The following HS3ST5 variants were observed in gnomAD, a reference collection of about 807,000 sequenced individuals.
HS3ST5 encodes the protein heparan sulfate-glucosamine 3-sulfotransferase 5.
Under a neutral mutation model 25.4 loss-of-function variants are expected in HS3ST5, and 10 were observed. The observed-to-expected ratio is 0.39, with a 90% CI of 0.24 to 0.67. The LOEUF is 0.67. HS3ST5 is among the 30% of genes least tolerant of loss of function. The pLI, the probability that HS3ST5 is intolerant of heterozygous loss-of-function variation, is 0.44. For missense variants in HS3ST5, 324 were observed against 420.7 expected, an observed-to-expected ratio of 0.77 and a Z score of 2.01; for synonymous variants, 170 against 162.4, an observed-to-expected ratio of 1.05 and a Z score of -0.36.
chr6:114,070,320 CAGGTA>C (rs1269934241), intron 3 of HS3ST5, among the ~76,000 whole-genome samples: 1 of 149,492 alleles, frequency 6.7e-6, no homozygotes, highest in Non-Finnish European at 1.5e-5. Flanking sequence ...CATAAAAGGG[CAGGTA>C]AAAGGGACCA....
intron 3 of HS3ST5, among the ~76,000 whole-genome samples, chr6:114,166,626 A>T (rs1779221762): frequency 6.6e-6 from 1 of 152,152 alleles, no homozygotes; most frequent in Non-Finnish European, 1.5e-5. Flanking sequence ...TGAGGGAGGG[A>T]CCGTAAAAGG....
At chr6:114,209,038 T>C (rs553887581) in intron 2 of HS3ST5, among the ~76,000 whole-genome samples, 41 of 152,168 alleles carry the variant, frequency 2.7e-4, no homozygotes, top group African/African-American at 8.9e-4. Flanking sequence ...ATTGCTGGCA[T>C]GTAAAGAACA....
At chr6:114,173,741 C>A (rs1221014079) in intron 2 of HS3ST5, among the ~76,000 whole-genome samples, 2 of 152,032 alleles carry the variant, frequency 1.3e-5, no homozygotes, top group African/African-American at 2.4e-5. Flanking sequence ...TACCTGTAGT[C>A]CCAGCTCTTT....
chr6:114,243,751 A>AC (rs1246704104), intron 1 of HS3ST5, among the ~76,000 whole-genome samples: 4 of 152,032 alleles, frequency 2.6e-5, no homozygotes, highest in Non-Finnish European at 5.9e-5. Context: ...GTCTTTCTCT[A>AC]CCCCTTTTCT....
At chr6:114,085,590 A>G (rs1244391401) in intron 3 of HS3ST5, among the ~76,000 whole-genome samples, 1 of 152,192 alleles carries the variant, frequency 6.6e-6, no homozygotes, top group African/African-American at 2.4e-5. Context: ...CCTAGGCTGT[A>G]TCTCACAGCT....
At chr6:114,156,807 T>TTTG (rs1231684462) in intron 3 of HS3ST5, among the ~76,000 whole-genome samples, 1 of 152,186 alleles carries the variant, frequency 6.6e-6, no homozygotes, top group Non-Finnish European at 1.5e-5. Flanking sequence ...CTATTCCTTC[T>TTTG]CGGTGTTCTT....
chr6:114,234,200 A>G (rs920935445), intron 1 of HS3ST5, among the ~76,000 whole-genome samples: 3 of 152,154 alleles, frequency 2.0e-5, no homozygotes, highest in African/African-American at 7.2e-5. Flanking sequence ...CCTAAGGCAT[A>G]GTTATACAAG....
At chr6:114,115,198 G>A (rs1279716368) in intron 3 of HS3ST5, among the ~76,000 whole-genome samples, 1 of 151,996 alleles carries the variant, frequency 6.6e-6, no homozygotes, top group Non-Finnish European at 1.5e-5. Context: ...GGTTGATGGT[G>A]GTTGAAGGGT....
intron 2 of HS3ST5, among the ~76,000 whole-genome samples, chr6:114,227,943 G>T (rs569347483): frequency 6.6e-6 from 1 of 152,046 alleles, no homozygotes; most frequent in African/African-American, 2.4e-5. Flanking sequence ...ACTTTAAAAA[G>T]GAATAACTCA....
chr6:114,153,416 A>G (rs191592472), intron 3 of HS3ST5, among the ~76,000 whole-genome samples: 90 of 152,284 alleles, frequency 5.9e-4, no homozygotes, highest in Non-Finnish European at 9.6e-4. Context: ...GCCTGTTTCT[A>G]TATTTGCACT....
intron 1 of HS3ST5, among the ~76,000 whole-genome samples, chr6:114,285,280 G>T (rs5004567): frequency 0.23 from 35,544 of 151,856 alleles, 4,836 homozygotes; most frequent in Non-Finnish European, 0.31. Flanking sequence ...ACATACACTG[G>T]GGCCTATTGG....
chr6:114,156,919 G>C (rs1462347569), intron 3 of HS3ST5, among the ~76,000 whole-genome samples: 1 of 151,976 alleles, frequency 6.6e-6, no homozygotes, highest in Non-Finnish European at 1.5e-5. Context: ...TAAGCAACCT[G>C]TCCTGTGTCC....
intron 1 of HS3ST5, among the ~76,000 whole-genome samples, chr6:114,334,931 G>C (rs898946510): frequency 1.3e-5 from 2 of 152,122 alleles, no homozygotes; most frequent in African/African-American, 4.8e-5. Context: ...CATATGAAAA[G>C]TATGTACACA....
At chr6:114,219,180 A>G (rs1781913003) in intron 2 of HS3ST5, among the ~76,000 whole-genome samples, 1 of 152,228 alleles carries the variant, frequency 6.6e-6, no homozygotes, top group African/African-American at 2.4e-5. Flanking sequence ...ATATTATATT[A>G]CACTATATTG....
intron 3 of HS3ST5, among the ~76,000 whole-genome samples, chr6:114,149,329 C>T (rs953779151): frequency 2.6e-5 from 4 of 152,148 alleles, no homozygotes; most frequent in African/African-American, 4.8e-5. Flanking sequence ...TTGAAACCAA[C>T]CCAAATGCCC....
chr6:114,150,345 C>A (rs75368331), intron 3 of HS3ST5, among the ~76,000 whole-genome samples: 16 of 152,336 alleles, frequency 1.1e-4, no homozygotes, highest in African/African-American at 3.8e-4. Flanking sequence ...TCCAGTGGCA[C>A]ACAGTGCCAA....
intron 2 of HS3ST5, among the ~76,000 whole-genome samples, chr6:114,227,928 A>G (rs892630765): frequency 2.0e-5 from 3 of 152,140 alleles, no homozygotes; most frequent in African/African-American, 4.8e-5. Flanking sequence ...AGCCCATCAT[A>G]CTGAACTTTA....
intron 3 of HS3ST5, among the ~76,000 whole-genome samples, chr6:114,161,553 A>ATATAT: frequency 9.9e-6 from 1 of 101,294 alleles, no homozygotes; most frequent in Non-Finnish European, 2.1e-5. Context: ...ATATATATAT[A>ATATAT]TATATATATA....
intron 1 of HS3ST5, among the ~76,000 whole-genome samples, chr6:114,232,459 A>G (rs1519689): frequency 0.21 from 32,476 of 152,098 alleles, 3,750 homozygotes; most frequent in East Asian, 0.31. Context: ...TCACAGTGCC[A>G]GGATTACAGA....
Sources: gnomAD v4.1 joint callset for allele counts (sites outside exome capture counted in the v4.1 genomes callset) on GRCh38, gnomAD v4.1.1 for gene constraint, MANE v1.5 for transcripts, NCBI Gene and HGNC (gene_info 2026-07-23, HGNC 2026-07-21) for gene names.